RFTN2: variants seen among roughly 807,000 people sequenced by gnomAD.
RFTN2 encodes the protein raftlin family member 2.
In RFTN2, 34 loss-of-function variants were observed where a neutral mutation model predicts 52.7. The ratio of observed to expected loss-of-function variants is 0.64; its 90% CI spans 0.49 to 0.86. The LOEUF is 0.86. Ranked by LOEUF, RFTN2 falls within the 40% of genes least tolerant of loss-of-function variation. The pLI is 0.00. For synonymous variants in RFTN2, 203 were observed against 217.7 expected, an observed-to-expected ratio of 0.93 and a Z score of 0.59; for missense variants, 536 against 600.1, an observed-to-expected ratio of 0.89 and a Z score of 1.12.
At chr2:197,590,902 T>A (rs749238580) in intron 8 of RFTN2, among the ~76,000 whole-genome samples, 2 of 152,140 alleles carry the variant, frequency 1.3e-5, no homozygotes, top group Non-Finnish European at 2.9e-5. Flanking sequence ...CACAATTTAT[T>A]GCAAAAAGTA....
intron 8 of RFTN2, chr2:197,588,022 C>G (rs1021564975): frequency 8.5e-6 from 4 of 469,776 alleles, no homozygotes; most frequent in Non-Finnish European, 1.3e-5. Flanking sequence ...TTACCCACAT[C>G]TGCAAAAATA....
intron 5 of RFTN2, among the ~76,000 whole-genome samples, chr2:197,627,224 G>T (rs1209435864): frequency 1.3e-5 from 2 of 152,102 alleles, no homozygotes; most frequent in Admixed American, 1.3e-4. Context: ...GTTCTCACAG[G>T]TCTGCTCCTC....
rs900502301 is a variant in RFTN2, at chr2:197,569,169, A to G, written c.*2839T>C. On this transcript the variant is annotated 3_prime_UTR_variant, in exon 9 of 9. Coordinates refer to ENST00000295049, the MANE Select transcript of RFTN2 (RefSeq NM_144629.3). Reference sequence around the variant, plus strand: ...TATTGAAAACGAAGATGAAAATGCCATAGATACTACACCAAGGGGAATGGC... The same window carrying G: ...TATTGAAAACGAAGATGAAAATGCCGTAGATACTACACCAAGGGGAATGGC... 4 of 152,232 alleles carry G rather than the reference A, an allele frequency of 2.6e-5. No individual in the cohort carries two copies. Among genetic ancestry groups the G allele is most frequent in the African/African-American group, 4.8e-5 (2 of 41,454 alleles). 9.4% of individuals were successfully genotyped at this position (152,232 alleles called of 1,614,324 possible). A position where few individuals can be genotyped will look rare whatever the true frequency, so the allele number is the denominator to read the frequency against.
rs192919727 is a variant in RFTN2 at position 197,595,256 on chromosome 2, T to C, written c.1233+735A>G. Among the ~76,000 whole-genome samples the C allele has an allele frequency of 2.0e-5, 3 of 152,336 alleles. 1 individual carries two copies. Among genetic ancestry groups the C allele is most frequent in the Admixed American group, 2.0e-4 (3 of 15,294 alleles). On this transcript the variant is annotated intron_variant, in intron 8 of 8. Transcript: ENST00000295049. ...TGGATGCATTGCAAGATCAGGCACA[T>C]TCATTCACAAGATTTAGAACTGTAA...
At chr2:197,619,134 T>C (rs1171769573) in intron 5 of RFTN2, among the ~76,000 whole-genome samples, 1 of 140,286 alleles carries the variant, frequency 7.1e-6, no homozygotes, top group East Asian at 2.2e-4. Context: ...GGGAGGGAGG[T>C]GGGGGGGGTC....
chr2:197,651,513 G>A (rs997622464), intron 1 of RFTN2, among the ~76,000 whole-genome samples: 1 of 152,156 alleles, frequency 6.6e-6, no homozygotes, highest in Non-Finnish European at 1.5e-5. Context: ...CAGCTACTTG[G>A]GAGGCTGAGG....
intron 8 of RFTN2, among the ~76,000 whole-genome samples, chr2:197,584,636 T>G (rs2087566954): frequency 6.6e-6 from 1 of 152,248 alleles, no homozygotes; most frequent in Non-Finnish European, 1.5e-5. Context: ...TTGTCAATTT[T>G]GGCTTTTGTT....
intron 5 of RFTN2, among the ~76,000 whole-genome samples, chr2:197,620,322 G>T (rs2088240941): frequency 1.3e-5 from 2 of 152,042 alleles, no homozygotes; most frequent in African/African-American, 4.8e-5. Context: ...TAACCAGCTG[G>T]CCTACACAAA....
chr2:197,667,699 AAAC>A (rs1265857380), intron 1 of RFTN2, among the ~76,000 whole-genome samples: 2 of 152,222 alleles, frequency 1.3e-5, no homozygotes, highest in African/African-American at 4.8e-5. Flanking sequence ...ATTTGGCTGT[AAAC>A]AACATCAGTT....
At chr2:197,625,704 C>CTCTCCTCTCCTCTCCTCTCCTCTCT (rs2088345800) in intron 5 of RFTN2, among the ~76,000 whole-genome samples, 2 of 140,288 alleles carry the variant, frequency 1.4e-5, no homozygotes, top group African/African-American at 5.3e-5. Context: ...CTCTCCTCTC[C>CTCTCCTCTCCTCTCCTCTCCTCTCT]TCTCCTCTCC....
At chr2:197,602,631 C>A (rs2087897377) in intron 7 of RFTN2, among the ~76,000 whole-genome samples, 1 of 151,304 alleles carries the variant, frequency 6.6e-6, no homozygotes, top group Non-Finnish European at 1.5e-5. Context: ...CTCTGTCTCC[C>A]AGGTTCAAGT....
At chr2:197,589,288 A>T (rs2087658136) in intron 8 of RFTN2, among the ~76,000 whole-genome samples, 1 of 139,864 alleles carries the variant, frequency 7.1e-6, no homozygotes, top group Non-Finnish European at 1.5e-5. Flanking sequence ...GCCTGCCGCC[A>T]TCCACCATCC....
chr2:197,616,664 TG>T (rs1268653507), intron 6 of RFTN2, among the ~76,000 whole-genome samples: 1 of 152,190 alleles, frequency 6.6e-6, no homozygotes, highest in African/African-American at 2.4e-5. Flanking sequence ...TTCAGAAACA[TG>T]GGTCTAGGGA....
chr2:197,651,992 A>T lies in RFTN2; in HGVS notation c.140-5326T>A, dbSNP rs928557179. On this transcript the variant is annotated intron_variant, in intron 1 of 8. Transcript: ENST00000295049. Reference sequence around the variant, plus strand: ...GTCCATAGATTGTGGTTGATTACAAATATAAGTAGAGGTGAGCATTTCATT... The same window carrying T: ...GTCCATAGATTGTGGTTGATTACAATTATAAGTAGAGGTGAGCATTTCATT... Among the ~76,000 whole-genome samples, 4 of 152,244 alleles carry T rather than the reference A, an allele frequency of 2.6e-5. No homozygotes were observed. In the South Asian group the frequency reaches 8.3e-4, roughly 31 times the overall value.
intron 8 of RFTN2, among the ~76,000 whole-genome samples, chr2:197,591,963 G>C (rs969748925): frequency 6.6e-6 from 1 of 150,574 alleles, no homozygotes; most frequent in African/African-American, 2.4e-5. Flanking sequence ...TGCAAGCCGA[G>C]GGAGCCGGCT....
At chr2:197,653,381 C>T (rs1327281912) in intron 1 of RFTN2, among the ~76,000 whole-genome samples, 1 of 152,100 alleles carries the variant, frequency 6.6e-6, no homozygotes, top group Non-Finnish European at 1.5e-5. Context: ...AGGAACAGGG[C>T]ACCATCTGGA....
chr2:197,666,496 G>T (rs1379938315), intron 1 of RFTN2, among the ~76,000 whole-genome samples: 1 of 152,202 alleles, frequency 6.6e-6, no homozygotes, highest in Non-Finnish European at 1.5e-5. Context: ...TTTCTGCTGA[G>T]AAATCTGCTG....
At chr2:197,618,012 T>A in intron 5 of RFTN2, 91 bp from the exon 6 acceptor site, 1 of 1,048,220 alleles carries the variant, frequency 9.5e-7, no homozygotes, top group Non-Finnish European at 1.3e-6. Flanking sequence ...TATAGGAAAC[T>A]GAAGGAAAAA....
intron 1 of RFTN2, among the ~76,000 whole-genome samples, chr2:197,651,390 G>A (rs937439391): frequency 2.6e-5 from 4 of 152,156 alleles, no homozygotes; most frequent in East Asian, 1.9e-4. Context: ...TGGCCAGAGC[G>A]GGTGGATCAC....
Sources: gnomAD v4.1 joint callset for allele counts (sites outside exome capture counted in the v4.1 genomes callset) on GRCh38, gnomAD v4.1.1 for gene constraint, MANE v1.5 for transcripts, NCBI Gene and HGNC (gene_info 2026-07-23, HGNC 2026-07-21) for gene names.